GABRG3: variants seen among roughly 807,000 people sequenced by gnomAD.
The protein encoded by GABRG3 is gamma-aminobutyric acid type A receptor subunit gamma3.
A neutral mutation model predicts 48.8 loss-of-function variants in GABRG3; 25 were observed. The observed-to-expected ratio is 0.51, with a 90% confidence interval of 0.37 to 0.72. The LOEUF (loss-of-function observed/expected upper bound fraction) is 0.72. GABRG3 is among the 30% of genes least tolerant of loss of function. The pLI is 0.00. For synonymous variants in GABRG3, 227 were observed against 217.6 expected, an observed-to-expected ratio of 1.04 and a Z score of -0.38; for missense variants, 394 against 577.9, an observed-to-expected ratio of 0.68 and a Z score of 3.26.
At chr15:27,142,222 G>C (rs902722716) in intron 3 of GABRG3, among the ~76,000 whole-genome samples, 1 of 152,052 alleles carries the variant, frequency 6.6e-6, no homozygotes, top group African/African-American at 2.4e-5. Context: ...TAACTACTCT[G>C]TTTAAGAGTA....
At chr15:27,294,126 C>A (rs1168239205) in intron 3 of GABRG3, among the ~76,000 whole-genome samples, 1 of 151,762 alleles carries the variant, frequency 6.6e-6, no homozygotes, top group Admixed American at 6.6e-5. Context: ...AGGGAGAGGA[C>A]AAATATCACA....
At chr15:27,399,240 T>C (rs1887410072) in intron 5 of GABRG3, among the ~76,000 whole-genome samples, 1 of 152,196 alleles carries the variant, frequency 6.6e-6, no homozygotes, top group South Asian at 2.1e-4. Flanking sequence ...AGAAACTCTT[T>C]GAGAAGACCC....
In GABRG3 at chr15:27,132,001, A is replaced by T. The variant is rs188142853; in HGVS notation, c.270+105180A>T. ...ATTATTTATATTTTTGATATTGAGT[A>T]GTTCAAGTTTCTTATAAATTCTGGA... On this transcript the variant is annotated intron_variant, in intron 3 of 9. Transcript: ENST00000615808. Among the ~76,000 whole-genome samples the T allele has an allele frequency of 3.2e-3, 481 of 152,100 alleles. 1 individual carries two copies. The highest frequency in any genetic ancestry group is 0.011 in the African/African-American group (466 of 41,576).
At chr15:26,988,510 T>C (rs1895190172) in intron 2 of GABRG3, among the ~76,000 whole-genome samples, 1 of 152,118 alleles carries the variant, frequency 6.6e-6, no homozygotes, top group Non-Finnish European at 1.5e-5. Flanking sequence ...TCCTTTTACT[T>C]TTAACCTATG....
intron 5 of GABRG3, among the ~76,000 whole-genome samples, chr15:27,445,053 A>C (rs1888902830): frequency 6.6e-6 from 1 of 152,034 alleles, no homozygotes; most frequent in South Asian, 2.1e-4. Flanking sequence ...TTGTATTTTT[A>C]GTAGAGATGA....
intron 3 of GABRG3, among the ~76,000 whole-genome samples, chr15:27,231,263 T>C (rs1889789099): frequency 7.5e-6 from 1 of 133,782 alleles, no homozygotes; most frequent in Admixed American, 7.5e-5. Context: ...TTTCAAAAAA[T>C]CCTCTAACAG....
At chr15:27,002,790 A>G (rs1895477668) in intron 2 of GABRG3, among the ~76,000 whole-genome samples, 1 of 147,084 alleles carries the variant, frequency 6.8e-6, no homozygotes, top group Non-Finnish European at 1.5e-5. Flanking sequence ...GGAAAGAAGG[A>G]AAGAGAGAAA....
rs1429248204 is a variant in GABRG3, at chr15:26,975,443, G to A, written c.54-1559G>A. ...GATCAGCCTAGGAAAAACGTAAGTG[G>A]GGAAGTCATTCTTTGAGACATATGC... On this transcript the variant is annotated intron_variant, in intron 1 of 9. Coordinates refer to ENST00000615808, the MANE Select transcript of GABRG3 (RefSeq NM_033223.5). This position sits in a 1 kb window ranked among gnomAD's most constrained non-coding sequence, Gnocchi z 4.6. 2.0e-5 allele frequency among the ~76,000 whole-genome samples: 3 copies of A among 152,098 alleles called. No individual in the cohort carries two copies. The highest frequency in any genetic ancestry group is 7.2e-5 in the African/African-American group (3 of 41,424).
In GABRG3 at chr15:27,045,928, TCTTCACC is replaced by T. The variant is rs1896354995; in HGVS notation, c.270+19108_270+19114del. Among the ~76,000 whole-genome samples, 8 of 152,258 alleles carry T rather than the reference TCTTCACC, an allele frequency of 5.3e-5. 1 individual carries two copies. The South Asian group carries it at 1.7e-3, about 32-fold the overall frequency. Reference sequence around the variant, plus strand: ...TGCATGGAGAAACACTGGCTCAGCCTCTTCACCTGCACATGGTGATACTAATTATGTT... The same window carrying T: ...TGCATGGAGAAACACTGGCTCAGCCTTGCACATGGTGATACTAATTATGTT... On this transcript the variant is annotated intron_variant, in intron 3 of 9. Transcript: ENST00000615808.
intron 3 of GABRG3, among the ~76,000 whole-genome samples, chr15:27,172,248 G>C (rs1169283299): frequency 6.6e-6 from 1 of 152,194 alleles, no homozygotes; most frequent in Non-Finnish European, 1.5e-5. Flanking sequence ...AGTGTGGACA[G>C]GTGCATGGAA....
intron 3 of GABRG3, among the ~76,000 whole-genome samples, chr15:27,315,155 CTT>C (rs1893168460): frequency 6.6e-6 from 1 of 152,110 alleles, no homozygotes; most frequent in Non-Finnish European, 1.5e-5. Context: ...TCAATAATGT[CTT>C]TTATTTTAAA....
intron 5 of GABRG3, among the ~76,000 whole-genome samples, chr15:27,426,758 AGGCTGTAGTGAGGTATGAT>A (rs1888305772): frequency 6.6e-6 from 1 of 152,208 alleles, no homozygotes; most frequent in African/African-American, 2.4e-5. Context: ...TTTGAGCCCA[AGGCTGTAGTGAGGTATGAT>A]GCTGCCCCTC....
At chr15:27,366,976 CA>C (rs1442869212) in intron 5 of GABRG3, among the ~76,000 whole-genome samples, 2 of 152,166 alleles carry the variant, frequency 1.3e-5, no homozygotes, top group Non-Finnish European at 2.9e-5. Context: ...GACCCTCTGT[CA>C]GCTCACTTCC....
chr15:27,412,272 T>C (rs1009434454), intron 5 of GABRG3, among the ~76,000 whole-genome samples: 3 of 152,108 alleles, frequency 2.0e-5, no homozygotes, highest in South Asian at 2.1e-4. Flanking sequence ...TGGACACTGA[T>C]AGAGTCAAGA....
chr15:27,045,880 T>C lies in GABRG3; in HGVS notation c.270+19059T>C, dbSNP rs1056115235. Among the ~76,000 whole-genome samples the C allele has an allele frequency of 2.6e-5, 4 of 152,170 alleles. No homozygotes were observed. In the East Asian group the frequency reaches 7.7e-4, roughly 29 times the overall value. On this transcript the variant is annotated intron_variant, in intron 3 of 9. Coordinates refer to ENST00000615808, the MANE Select transcript of GABRG3 (RefSeq NM_033223.5). ...ACTTTGCAGCAAAACCAAGTCCTCATGCAGGGGCCGATGAGTTCTAAATGC... is the reference window on the plus strand; with the variant it reads ...ACTTTGCAGCAAAACCAAGTCCTCACGCAGGGGCCGATGAGTTCTAAATGC...
At chr15:27,366,352 T>A (rs770649855) in intron 5 of GABRG3, 2 of 152,152 alleles carry the variant, frequency 1.3e-5, no homozygotes, top group Non-Finnish European at 2.9e-5. Flanking sequence ...TAAAGACATA[T>A]TCCCTAAAGC....
Position 26,971,358 on chromosome 15 carries a change from T to TCCCGTGTGCGC in GABRG3, c.-176_-175insCGTGTGCGCCC, listed in dbSNP as rs1894837478. On this transcript the variant is annotated 5_prime_UTR_variant, in exon 1 of 10. Coordinates refer to ENST00000615808, the MANE Select transcript of GABRG3 (RefSeq NM_033223.5). ...GCGGTGGCCCGGCGTCCCGTGTGCGTCCAGTGTGCGCCCCGCGGGGGCGCG... is the reference window on the plus strand; with the variant it reads ...GCGGTGGCCCGGCGTCCCGTGTGCGTCCCGTGTGCGCCCAGTGTGCGCCCCGCGGGGGCGCG... 2.6e-6 allele frequency: 1 copy of TCCCGTGTGCGC among 379,002 alleles called. No homozygotes were observed. Among genetic ancestry groups the TCCCGTGTGCGC allele is most frequent in the African/African-American group, 2.1e-5 (1 of 46,944 alleles). 23.5% of individuals were successfully genotyped at this position (379,002 alleles called of 1,614,324 possible). A position where few individuals can be genotyped will look rare whatever the true frequency, so the allele number is the denominator to read the frequency against.
At position 27,533,658 on chromosome 15, in the gene GABRG3, A is replaced by C. The variant is rs1321342876; in HGVS notation, c.*777A>C. On this transcript the variant is annotated 3_prime_UTR_variant, in exon 10 of 10. Transcript: ENST00000615808. ...TCTTGGACTAGTTCAACAGCATTTC[A>C]CCTTAAGAGCTGTTTTTCACTAGAC... 2.0e-5 allele frequency: 3 copies of C among 152,092 alleles called. No homozygotes were observed. Among genetic ancestry groups the C allele is most frequent in the Admixed American group, 6.5e-5 (1 of 15,276 alleles). 9.4% of individuals were successfully genotyped at this position (152,092 alleles called of 1,614,324 possible).
chr15:27,346,864 G>A (rs1894391825), intron 5 of GABRG3, among the ~76,000 whole-genome samples: 1 of 152,026 alleles, frequency 6.6e-6, no homozygotes, highest in Non-Finnish European at 1.5e-5. Context: ...TAGAACCCTT[G>A]ACATATTAAT....
Sources: gnomAD v4.1 joint callset for allele counts (sites outside exome capture counted in the v4.1 genomes callset) on GRCh38, gnomAD v4.1.1 for gene constraint, Gnocchi (gnomAD v3.1) non-coding constraint, MANE v1.5 for transcripts, NCBI Gene and HGNC (gene_info 2026-07-23, HGNC 2026-07-21) for gene names.